The following SDK1 variants were observed in gnomAD, a reference collection of about 807,000 sequenced individuals.
The protein encoded by SDK1 is sidekick cell adhesion molecule 1.
In SDK1, 157 loss-of-function variants were observed where a neutral mutation model predicts 245.5. That is an observed-to-expected ratio of 0.64 (90% CI 0.56 to 0.73). The LOEUF (loss-of-function observed/expected upper bound fraction) is 0.73, where lower values mean the gene tolerates loss of function less well. Among genes scored for constraint, SDK1 ranks in the 30% least tolerant of loss-of-function variants. The pLI is 0.00. For missense variants in SDK1, 3,583 were observed against 3,002.3 expected (o/e 1.19, Z -4.52); for synonymous variants, 1,647 against 1,278.5 (o/e 1.29, Z -6.15).
At chr7:4,084,308 A>T (rs1307291044) in intron 22 of SDK1, among the ~76,000 whole-genome samples, 1 of 152,222 alleles carries the variant, frequency 6.6e-6, no homozygotes, top group African/African-American at 2.4e-5. Context: ...TCATGAAAGC[A>T]TAGGTTCTTA....
At chr7:4,021,557 T>G (rs1053530056) in intron 17 of SDK1, among the ~76,000 whole-genome samples, 5 of 152,172 alleles carry the variant, frequency 3.3e-5, no homozygotes, top group Non-Finnish European at 5.9e-5. Context: ...CAGGGTTCTT[T>G]GTCTTTTTGG....
chr7:3,405,976 C>G (rs1051408447), intron 1 of SDK1, among the ~76,000 whole-genome samples: 1 of 152,014 alleles, frequency 6.6e-6, no homozygotes, highest in Non-Finnish European at 1.5e-5. Flanking sequence ...CTATGCCCAG[C>G]TAATTTTTGT....
chr7:3,574,103 A>G lies in SDK1; in HGVS notation c.299-44977A>G, dbSNP rs1421557350. ...GCTATCCTTCCTGATCAGACTAGAC[A>G]TATACCTGATTTTTTTTTTCTTTTT... On this transcript the variant is annotated intron_variant, in intron 1 of 44. Coordinates refer to ENST00000404826, the MANE Select transcript of SDK1 (RefSeq NM_152744.4). 2.0e-5 allele frequency among the ~76,000 whole-genome samples: 3 copies of G among 151,092 alleles called. No individual in the cohort carries two copies. The East Asian group carries it at 5.8e-4, about 29-fold the overall frequency.
At chr7:3,611,555 A>G (rs562018718) in intron 1 of SDK1, among the ~76,000 whole-genome samples, 1 of 152,242 alleles carries the variant, frequency 6.6e-6, no homozygotes, top group East Asian at 1.9e-4. Flanking sequence ...TCCTCTGGGT[A>G]GATACCCAGG....
intron 32 of SDK1, among the ~76,000 whole-genome samples, chr7:4,165,106 G>A (rs1042634931): frequency 3.3e-5 from 5 of 152,106 alleles, no homozygotes; most frequent in Non-Finnish European, 7.4e-5. Context: ...CAAACACAGG[G>A]CCAGCACTTT....
chr7:4,151,767 A>T (rs1780397300), intron 30 of SDK1, among the ~76,000 whole-genome samples: 1 of 152,162 alleles, frequency 6.6e-6, no homozygotes, highest in African/African-American at 2.4e-5. Context: ...ACTTCTCACT[A>T]TTCCCAGTTT....
chr7:3,705,183 A>G (rs557500681), intron 4 of SDK1, among the ~76,000 whole-genome samples: 3 of 152,034 alleles, frequency 2.0e-5, no homozygotes, highest in African/African-American at 7.2e-5. Flanking sequence ...TCTGTTTTGT[A>G]TCCATATGAA....
At chr7:3,556,078 A>C (rs1779577915) in intron 1 of SDK1, among the ~76,000 whole-genome samples, 1 of 152,238 alleles carries the variant, frequency 6.6e-6, no homozygotes, top group South Asian at 2.1e-4. Context: ...ATATATGCCA[A>C]AGAAAGGAAT....
intron 14 of SDK1, among the ~76,000 whole-genome samples, chr7:3,998,566 C>G (rs994417960): frequency 2.6e-5 from 4 of 152,274 alleles, no homozygotes; most frequent in South Asian, 4.1e-4. Flanking sequence ...TTCATGCATT[C>G]CCAAGGCCCT....
At chr7:3,861,743 A>C (rs1482873839) in intron 5 of SDK1, among the ~76,000 whole-genome samples, 1 of 152,196 alleles carries the variant, frequency 6.6e-6, no homozygotes, top group African/African-American at 2.4e-5. Context: ...TTAATCAGCA[A>C]AGTAGCAAAC....
intron 1 of SDK1, among the ~76,000 whole-genome samples, chr7:3,341,769 TGAAAC>T (rs1780354489): frequency 6.6e-6 from 1 of 152,208 alleles, no homozygotes; most frequent in African/African-American, 2.4e-5. Context: ...ACAAAACTGA[TGAAAC>T]AAATCAGAGG....
intron 13 of SDK1, among the ~76,000 whole-genome samples, chr7:3,977,950 A>C (rs190271083): frequency 4.8e-4 from 73 of 152,314 alleles, no homozygotes; most frequent in Non-Finnish European, 8.8e-4. Flanking sequence ...CTTGATGCTC[A>C]CATGCCCTGG....
chr7:4,049,934 C>T (rs971106222), intron 18 of SDK1, among the ~76,000 whole-genome samples: 6 of 152,110 alleles, frequency 3.9e-5, no homozygotes, highest in Non-Finnish European at 5.9e-5. Context: ...TCCAGCTACC[C>T]GCCCATACTG....
In SDK1 at chr7:3,880,495, T is replaced by C. The variant is rs372072110; in HGVS notation, c.847+58912T>C. 7.4e-5 allele frequency among the ~76,000 whole-genome samples: 11 copies of C among 148,848 alleles called. No individual in the cohort carries two copies. In the East Asian group the frequency reaches 2.2e-3, roughly 29 times the overall value. Reference sequence around the variant, plus strand: ...TGGAGGGCTGCCAAGATCAAAAAAGTGCAGCGATGCGCAGATGCGTGGTGA... The same window carrying C: ...TGGAGGGCTGCCAAGATCAAAAAAGCGCAGCGATGCGCAGATGCGTGGTGA... On this transcript the variant is annotated intron_variant, in intron 5 of 44. Coordinates refer to ENST00000404826, the MANE Select transcript of SDK1 (RefSeq NM_152744.4).
At chr7:3,447,353 C>T (rs1192906956) in intron 1 of SDK1, among the ~76,000 whole-genome samples, 10 of 152,278 alleles carry the variant, frequency 6.6e-5, no homozygotes, top group Non-Finnish European at 1.5e-5. Context: ...TGATATTAAT[C>T]TCCAACTGAT....
intron 22 of SDK1, among the ~76,000 whole-genome samples, chr7:4,099,820 G>A (rs968733864): frequency 1.3e-5 from 2 of 151,508 alleles, no homozygotes; most frequent in African/African-American, 4.8e-5. Flanking sequence ...GGCCATGCTT[G>A]GGGGCTGGCT....
At chr7:3,418,603 G>A (rs1779446985) in intron 1 of SDK1, among the ~76,000 whole-genome samples, 1 of 152,186 alleles carries the variant, frequency 6.6e-6, no homozygotes, top group Non-Finnish European at 1.5e-5. Flanking sequence ...CTTCACGTGA[G>A]CATGACATAA....
chr7:3,381,957 A>T (rs1313638710), intron 1 of SDK1, among the ~76,000 whole-genome samples: 1 of 152,214 alleles, frequency 6.6e-6, no homozygotes, highest in Non-Finnish European at 1.5e-5. Flanking sequence ...ATAAATATGC[A>T]CAAAAGCAGT....
At chr7:3,679,764 G>A (rs1029235348) in intron 4 of SDK1, among the ~76,000 whole-genome samples, 4 of 152,162 alleles carry the variant, frequency 2.6e-5, no homozygotes, top group Admixed American at 1.3e-4. Context: ...CAAATACGTC[G>A]AGATGTAAAG....
Sources: gnomAD v4.1 joint callset for allele counts (sites outside exome capture counted in the v4.1 genomes callset) on GRCh38, gnomAD v4.1.1 for gene constraint, MANE v1.5 for transcripts, NCBI Gene and HGNC (gene_info 2026-07-23, HGNC 2026-07-21) for gene names.